The following OR2L13 variants were observed in gnomAD, a reference collection of about 807,000 sequenced individuals.
OR2L13 encodes olfactory receptor 2L13.
Under a neutral mutation model 15.3 loss-of-function variants are expected in OR2L13, and 14 were observed. The ratio of observed to expected loss-of-function variants is 0.91; its 90% confidence interval spans 0.60 to 1.43. The LOEUF is 1.43. OR2L13 is among the 40% of genes most tolerant of loss of function. The pLI is 0.00. For synonymous variants in OR2L13, 152 were observed against 142.9 expected, an observed-to-expected ratio of 1.06 and a Z score of -0.45; for missense variants, 367 against 387.9, an observed-to-expected ratio of 0.95 and a Z score of 0.45.
the OR2L13 span, chr1:247,974,772 T>A: frequency 1.3e-5 from 3 of 233,490 alleles, no homozygotes; most frequent in Non-Finnish European, 9.8e-6. Flanking sequence ...ATCAACTGAT[T>A]TCATCTTATT....
the OR2L13 span, among the ~76,000 whole-genome samples, chr1:248,063,924 T>G: frequency 6.6e-6 from 1 of 152,246 alleles, no homozygotes; most frequent in South Asian, 2.1e-4. Context: ...GCTGCCAACC[T>G]GTCCAGCTCT....
chr1:248,003,950 G>T, the OR2L13 span: 2 of 1,613,564 alleles, frequency 1.2e-6, no homozygotes, highest in South Asian at 2.2e-5. Context: ...CAAGGTTCTG[G>T]CTGTCTTCTA....
chr1:247,953,463 G>A, the OR2L13 span, among the ~76,000 whole-genome samples: 1 of 152,066 alleles, frequency 6.6e-6, no homozygotes, highest in Non-Finnish European at 1.5e-5. Flanking sequence ...TATGGAAAGG[G>A]ACATGAGTAT....
the OR2L13 span, among the ~76,000 whole-genome samples, chr1:248,014,770 T>A: frequency 6.6e-6 from 1 of 152,168 alleles, no homozygotes; most frequent in South Asian, 2.1e-4. Context: ...AGACAGCTCC[T>A]AATAACCCAT....
the OR2L13 span, among the ~76,000 whole-genome samples, chr1:248,019,721 T>C: frequency 6.6e-6 from 1 of 150,646 alleles, no homozygotes; most frequent in Non-Finnish European, 1.5e-5. Flanking sequence ...CTCCTCGTCC[T>C]CCTCCTCCTT....
At chr1:248,046,404 G>A in the OR2L13 span, among the ~76,000 whole-genome samples, 5,455 of 152,244 alleles carry the variant, frequency 0.036, 329 homozygotes, top group African/African-American at 0.12. Context: ...ATTAATGAAT[G>A]CAGACGCATT....
the OR2L13 span, among the ~76,000 whole-genome samples, chr1:248,037,677 T>A: frequency 0.3 from 45,990 of 152,136 alleles, 11,202 homozygotes; most frequent in African/African-American, 0.68. Context: ...TTCACAGCCT[T>A]ACTAAACTAA....
chr1:247,960,419 C>T, the OR2L13 span, among the ~76,000 whole-genome samples: 1 of 152,208 alleles, frequency 6.6e-6, no homozygotes, highest in South Asian at 2.1e-4. Flanking sequence ...TCTGTCTGTT[C>T]TCAGATCTTC....
the OR2L13 span, chr1:247,996,893 A>G: frequency 6.6e-6 from 1 of 152,198 alleles, no homozygotes; most frequent in Admixed American, 6.5e-5. Flanking sequence ...GGAATATTGA[A>G]ACATCTGTAC....
At chr1:247,950,703 A>C in the OR2L13 span, among the ~76,000 whole-genome samples, 9 of 152,104 alleles carry the variant, frequency 5.9e-5, no homozygotes, top group Non-Finnish European at 1.2e-4. Flanking sequence ...AAATTTTAAA[A>C]ATTGAGCTAA....
chr1:248,034,583 T>C, the OR2L13 span, among the ~76,000 whole-genome samples: 10 of 152,346 alleles, frequency 6.6e-5, no homozygotes, highest in African/African-American at 2.4e-4. Flanking sequence ...ATCTTAACAG[T>C]GTTAAGCCTT....
chr1:248,006,213 G>A, the OR2L13 span, among the ~76,000 whole-genome samples: 2 of 151,560 alleles, frequency 1.3e-5, no homozygotes, highest in East Asian at 2.0e-4. Context: ...ACTGCTTGGG[G>A]TCCTGTGGTA....
upstream of OR2L13, among the ~76,000 whole-genome samples, chr1:248,096,949 T>C (rs1664753327): frequency 6.6e-6 from 1 of 152,210 alleles, no homozygotes; most frequent in African/African-American, 2.4e-5. Context: ...TAATCATCTC[T>C]TGAATCTACG....
At chr1:248,084,738 G>T in the OR2L13 span, 1 of 1,289,256 alleles carries the variant, frequency 7.8e-7, no homozygotes. Context: ...CTTCATCTCA[G>T]ACACAGATGG....
At chr1:248,085,436 T>TAAAATAAAATAAATAA in the OR2L13 span, among the ~76,000 whole-genome samples, 8 of 84,542 alleles carry the variant, frequency 9.5e-5, no homozygotes, top group East Asian at 3.3e-4. Context: ...TAAAATAAAA[T>TAAAATAAAATAAATAA]AATAAAATAA....
At chr1:247,955,537 A>G in the OR2L13 span, among the ~76,000 whole-genome samples, 3 of 152,076 alleles carry the variant, frequency 2.0e-5, no homozygotes, top group Non-Finnish European at 4.4e-5. Flanking sequence ...GACTTCCACA[A>G]TGGTTGAACT....
the OR2L13 span, chr1:248,013,879 G>A: frequency 6.6e-6 from 1 of 152,122 alleles, no homozygotes; most frequent in East Asian, 1.9e-4. Flanking sequence ...AGAAAATTCA[G>A]CAGAAATTTT....
At chr1:247,985,122 T>G in the OR2L13 span, among the ~76,000 whole-genome samples, 1 of 152,218 alleles carries the variant, frequency 6.6e-6, no homozygotes, top group Non-Finnish European at 1.5e-5. Context: ...TTTTTAATAC[T>G]TTAAGTTCTA....
the OR2L13 span, among the ~76,000 whole-genome samples, chr1:248,063,975 C>A: frequency 6.6e-6 from 1 of 152,192 alleles, no homozygotes; most frequent in South Asian, 2.1e-4. Flanking sequence ...ATTAAATATT[C>A]CAATGATAAC....
Sources: allele counts gnomAD v4.1 joint callset (sites outside exome capture counted in the v4.1 genomes callset), GRCh38; gene constraint gnomAD v4.1.1; transcripts MANE v1.5; gene names NCBI Gene and HGNC (gene_info 2026-07-23, HGNC 2026-07-21).